Variants in MAP4K2 observed in about 807,000 individuals in gnomAD.
MAP4K2 encodes the protein mitogen-activated protein kinase kinase kinase kinase 2, also known as B lymphocyte serine/threonine protein kinase.
A neutral mutation model predicts 125.3 loss-of-function variants in MAP4K2; 85 were observed. The observed-to-expected ratio is 0.68, with a 90% CI of 0.57 to 0.81. The LOEUF (loss-of-function observed/expected upper bound fraction) is 0.81. Ranked by LOEUF, MAP4K2 falls within the 40% of genes least tolerant of loss-of-function variation. The pLI is 0.00. For missense variants in MAP4K2, 923 were observed against 1,056.4 expected, an observed-to-expected ratio of 0.87 and a Z score of 1.75; for synonymous variants, 479 against 445.1, an observed-to-expected ratio of 1.08 and a Z score of -0.96.
chr11:64,796,196 C>T, intron 24 of MAP4K2, 77 bp downstream of exon 24: 5 of 1,318,780 alleles, frequency 3.8e-6, no homozygotes, highest in Non-Finnish European at 5.2e-6. Flanking sequence ...GCTGCAATCC[C>T]AGGAACTGGC....
At position 64,801,200 on chromosome 11, in the gene MAP4K2, C is replaced by A; in HGVS notation, c.458-17G>T. The A allele has an allele frequency of 1.2e-6, 2 of 1,609,766 alleles. No individual in the cohort carries two copies. Among genetic ancestry groups the A allele is most frequent in the Non-Finnish European group, 1.7e-6 (2 of 1,178,986 alleles). On this transcript the variant is annotated splice_polypyrimidine_tract_variant and intron_variant, in intron 7 of 31. Transcript: ENST00000294066. The stretch of plus-strand genomic sequence containing the variant: ...CAAAGTCAGCTGTGGGGAGAAACAG[C>A]CACTCTCACCAGCCCTCTGGCTGCC...
chr11:64,799,640 T>C lies in MAP4K2; in HGVS notation c.959A>G (p.His320Arg), dbSNP rs1377139117. The change falls in exon 13 of 32, where the codon CAC (histidine) becomes CGC (arginine). Residue 320 changes from histidine to arginine, a missense_variant. By Grantham distance (29) the His-to-Arg change is conservative (BLOSUM62 0). This residue lies in a region of MAP4K2 where 833 missense variants were observed against 911.4 expected (regional missense o/e 0.91). Transcript: ENST00000294066. ...CGAGGGGGTCCTCTCGGCTGGGCCG[T>C]GCTGCCCCCGGGAGTGAATGGTGTC... ...FPDTIHSRGQ[H>R]GPAERTPSEI... 6.2e-7 allele frequency: 1 copy of C among 1,613,886 alleles called. No individual in the cohort carries two copies. Among genetic ancestry groups the C allele is most frequent in the East Asian group, 2.2e-5 (1 of 44,882 alleles).
intron 25 of MAP4K2, 44 bp downstream of exon 25, chr11:64,792,320 C>A (rs751356194): frequency 1.9e-6 from 3 of 1,562,208 alleles, no homozygotes; most frequent in Non-Finnish European, 2.6e-6. Context: ...GCCTGCGCTG[C>A]CCCCCACCAG....
In MAP4K2 at chr11:64,785,799, AG is replaced by A. The variant is rs1849653091; in HGVS notation, c.*3737del. 1 of 152,152 alleles carries A rather than the reference AG, an allele frequency of 6.6e-6. No homozygotes were observed. Among genetic ancestry groups the A allele is most frequent in the African/African-American group, 2.4e-5 (1 of 41,440 alleles). The allele number at this position is 152,152 out of a possible 1,614,324, so 9.4% of individuals were successfully genotyped here. On this transcript the variant is annotated 3_prime_UTR_variant, in exon 32 of 32. Coordinates refer to ENST00000294066, the MANE Select transcript of MAP4K2 (RefSeq NM_004579.5). Reference sequence around the variant, plus strand: ...GAGACAGGGTTTTGTCATGTTGCCCAGGCTGGTCTAGAACTCCTGGGTTCAA... The same window carrying A: ...GAGACAGGGTTTTGTCATGTTGCCCAGCTGGTCTAGAACTCCTGGGTTCAA...
At position 64,786,839 on chromosome 11, in the gene MAP4K2, T is replaced by C. The variant is rs1940211184; in HGVS notation, c.*2698A>G. ...CAACTCAAATTTCCACCAATAGGGATCTCACTGCAGGTCATTAACATTTGT... is the reference window on the plus strand; with the variant it reads ...CAACTCAAATTTCCACCAATAGGGACCTCACTGCAGGTCATTAACATTTGT... On this transcript the variant is annotated 3_prime_UTR_variant, in exon 32 of 32. Transcript: ENST00000294066. The C allele has an allele frequency of 6.6e-6, 1 of 151,766 alleles. No individual in the cohort carries two copies. Among genetic ancestry groups the C allele is most frequent in the Non-Finnish European group, 1.5e-5 (1 of 68,004 alleles). The allele number at this position is 151,766 out of a possible 1,614,324, so 9.4% of individuals were successfully genotyped here.
chr11:64,792,020 G>C lies in MAP4K2; in HGVS notation c.1981C>G (p.Leu661Val). ...TCGGCCCCAACACACACCTGCGGCA[G>C]CTCCTTCCCATCCAGCACCAGCGGC... ...LEPLVLDGKE[L>V]PQVCVGAEGP... Residue 661 changes from leucine to valine, a missense_variant, in exon 27 of 32, where the codon CTG becomes GTG. Physicochemically the swap from Leu to Val is conservative, Grantham distance 32. Coordinates refer to ENST00000294066, the MANE Select transcript of MAP4K2 (RefSeq NM_004579.5). The C allele has an allele frequency of 6.3e-7, 1 of 1,597,824 alleles. No individual in the cohort carries two copies. Among genetic ancestry groups the C allele is most frequent in the Non-Finnish European group, 8.5e-7 (1 of 1,172,890 alleles).
intron 18 of MAP4K2, 29 bp downstream of exon 18, chr11:64,797,246 C>A: frequency 1.3e-6 from 2 of 1,599,796 alleles, no homozygotes; most frequent in Non-Finnish European, 1.7e-6. Flanking sequence ...CCTGGGGCTG[C>A]CTCCTGGCCT....
Position 64,800,928 on chromosome 11 carries a change from G to T in MAP4K2, c.634C>A (p.Pro212Thr), listed in dbSNP as rs759840531. 8 of 1,613,898 alleles carry T rather than the reference G, an allele frequency of 5.0e-6. No individual in the cohort carries two copies. The highest frequency in any genetic ancestry group is 3.3e-5 in the Admixed American group (2 of 60,002). ...ITAIELGELQ[P>T]PLFHLHPMRA... ...ATGGGGTGCAGGTGGAACAGAGGGG[G>T]CTGCAGCTCGCCCAGCTCAATGGCA... The change falls in exon 9 of 32, where the codon CCC (proline) becomes ACC (threonine). Residue 212 changes from proline to threonine, a missense_variant. Pro to Thr is a conservative substitution (Grantham distance 38). Coordinates refer to ENST00000294066, the MANE Select transcript of MAP4K2 (RefSeq NM_004579.5).
chr11:64,801,069 T>C (rs756441344), intron 8 of MAP4K2, 38 bp from the exon 9 acceptor site: 1 of 1,613,680 alleles, frequency 6.2e-7, no homozygotes, highest in Non-Finnish European at 8.5e-7. Context: ...CCGGGTGCCC[T>C]GCTCTGTGGC....
Position 64,796,633 on chromosome 11 carries a change from CCTT to C in MAP4K2, c.1570_1572del (p.Lys524del). 6.2e-7 allele frequency: 1 copy of C among 1,614,112 alleles called. No homozygotes were observed. Among genetic ancestry groups the C allele is most frequent in the Non-Finnish European group, 8.5e-7 (1 of 1,180,048 alleles). ...GCCCCCCACAGCCAGCCGGGCCTCACCTTCTCCAGCGTATCCTCATGCAGTTCA... is the reference window on the plus strand; with the variant it reads ...GCCCCCCACAGCCAGCCGGGCCTCACCTCCAGCGTATCCTCATGCAGTTCA... On this transcript the variant is annotated inframe_deletion and splice_region_variant, in exon 22 of 32. Coordinates refer to ENST00000294066, the MANE Select transcript of MAP4K2 (RefSeq NM_004579.5).
rs1940822137 is a variant in MAP4K2, at chr11:64,796,662, T to C, written c.1544A>G (p.His515Arg). The C allele has an allele frequency of 5.0e-6, 8 of 1,614,116 alleles. No individual in the cohort carries two copies. In the East Asian group the frequency reaches 6.7e-5, roughly 13 times the overall value. The part of the protein sequence containing the change: ...AEEGIYTLNL[H>R]ELHEDTLEKL... The stretch of plus-strand genomic sequence containing the variant: ...CTCCAGCGTATCCTCATGCAGTTCA[T>C]GCAGGTTGAGTGTGTAGATGCCTTC... The change falls in exon 22 of 32, where the codon CAT (histidine) becomes CGT (arginine). Residue 515 changes from histidine (H) to arginine (R), a missense_variant. This residue lies in a region of MAP4K2 where 833 missense variants were observed against 911.4 expected (regional missense o/e 0.91). Transcript: ENST00000294066.
chr11:64,798,217 G>C (rs778655283), intron 15 of MAP4K2, among the ~76,000 whole-genome samples: 7 of 151,940 alleles, frequency 4.6e-5, no homozygotes, highest in Non-Finnish European at 4.4e-5. Context: ...CCAGGCTGGA[G>C]TGCAGTGGTG....
At chr11:64,795,568 T>A (rs886903549) in intron 24 of MAP4K2, among the ~76,000 whole-genome samples, 1 of 151,858 alleles carries the variant, frequency 6.6e-6, no homozygotes, top group South Asian at 2.1e-4. Flanking sequence ...GCCCGGCTAA[T>A]TTTTTTTGTA....
chr11:64,802,258 G>A (rs1177308450), intron 4 of MAP4K2, 137 bp from the exon 5 acceptor site: 2 of 1,066,898 alleles, frequency 1.9e-6, no homozygotes, highest in South Asian at 1.4e-5. Context: ...TTTAGTCTAG[G>A]ATACTGAACC....
chr11:64,796,948 C>T, intron 20 of MAP4K2, 34 bp downstream of exon 20: 1 of 1,613,772 alleles, frequency 6.2e-7, no homozygotes, highest in African/African-American at 1.3e-5. Context: ...GGTGGCAGGG[C>T]TGTGGGACTG....
rs1269021523 is a variant in MAP4K2, at chr11:64,800,150, G to C, written c.874C>G (p.Pro292Ala). The C allele has an allele frequency of 1.9e-6, 3 of 1,612,844 alleles. No individual in the cohort carries two copies. The highest frequency in any genetic ancestry group is 2.2e-5 in the South Asian group (2 of 90,926). The change falls in exon 12 of 32, where the codon CCT (proline) becomes GCT (alanine). Residue 292 changes from proline to alanine, a missense_variant. Physicochemically the swap from Pro to Ala is conservative, Grantham distance 27. This residue lies in a region of MAP4K2 where 833 missense variants were observed against 911.4 expected (regional missense o/e 0.91). Transcript: ENST00000294066. Reference protein sequence around the residue: ...LTQLLDKASDPHLGTPSPEDC... With the variant: ...LTQLLDKASDAHLGTPSPEDC... ...TCAGGGGAGGGGGTCCCCAGATGAG[G>C]GTCACTGGCTTTGTCCAGCAGCTGT...
intron 10 of MAP4K2, 58 bp from the exon 11 acceptor site, chr11:64,800,450 C>G: frequency 6.3e-7 from 1 of 1,575,204 alleles, no homozygotes; most frequent in East Asian, 2.2e-5. Flanking sequence ...TGCAGGGTGT[C>G]CTGCCAGCTG....
rs763331907 is a variant in MAP4K2, at chr11:64,801,117, G to C, written c.524C>G (p.Pro175Arg). ...GCCCCAGGCGCAGCCTCACCAGTAG[G>C]GAGTCCCAATGAAAGACCTCCTCTT... ...VAKRRSFIGT[P>R]YWMAPEVAAV... Residue 175 changes from proline to arginine, a missense_variant, in exon 8 of 32, where the codon CCC (proline) becomes CGC (arginine). Transcript: ENST00000294066. 1 of 1,613,600 alleles carries C rather than the reference G, an allele frequency of 6.2e-7. No homozygotes were observed. Among genetic ancestry groups the C allele is most frequent in the Non-Finnish European group, 8.5e-7 (1 of 1,179,982 alleles).
intron 20 of MAP4K2, 36 bp from the exon 21 acceptor site, chr11:64,796,929 G>A: frequency 6.2e-7 from 1 of 1,613,990 alleles, no homozygotes; most frequent in Non-Finnish European, 8.5e-7. Context: ...AGGGAGTGCA[G>A]GGGTGGTGGG....
Sources: gnomAD v4.1 joint callset for allele counts (sites outside exome capture counted in the v4.1 genomes callset) on GRCh38, gnomAD v4.1.1 for gene constraint, gnomAD v4.1.1 regional missense constraint, MANE v1.5 for transcripts, NCBI Gene and HGNC (gene_info 2026-07-23, HGNC 2026-07-21) for gene names.